NHERF4: variants seen among roughly 807,000 people sequenced by gnomAD.
NHERF4 encodes the protein Na(+)/H(+) exchange regulatory cofactor NHE-RF4.
the NHERF4 span, chr11:119,188,275 C>T: frequency 6.3e-7 from 1 of 1,582,888 alleles, no homozygotes. Flanking sequence ...TCTTCCCGTT[C>T]ACTCTGGGGT....
At chr11:119,188,591 T>TG in the NHERF4 span, 1 of 1,607,378 alleles carries the variant, frequency 6.2e-7, no homozygotes. Context: ...GGGGCAGGAG[T>TG]GGGGCAGGGC....
chr11:119,185,920 AG>A, the NHERF4 span: 3 of 1,614,028 alleles, frequency 1.9e-6, no homozygotes, highest in African/African-American at 1.3e-5. Context: ...TTCTTTGCCC[AG>A]TAGATCTGCA....
At chr11:119,186,308 T>C in the NHERF4 span, 5 of 1,581,030 alleles carry the variant, frequency 3.2e-6, no homozygotes, top group East Asian at 1.1e-4. The surrounding 1 kb of genome is among the most constrained non-coding windows in gnomAD (Gnocchi z 4.4). Context: ...AGGGGCCGGG[T>C]GTTTTCTCCT....
chr11:119,188,610 G>C, the NHERF4 span: 5 of 1,612,336 alleles, frequency 3.1e-6, no homozygotes, highest in Non-Finnish European at 4.2e-6. Flanking sequence ...GCTGAGGTCC[G>C]AAAGATTTGC....
At chr11:119,186,877 G>A in the NHERF4 span, among the ~76,000 whole-genome samples, 1 of 152,102 alleles carries the variant, frequency 6.6e-6, no homozygotes, top group East Asian at 1.9e-4. This position sits in a 1 kb window ranked among gnomAD's most constrained non-coding sequence, Gnocchi z 4.4. Flanking sequence ...AGTGGCTCAC[G>A]CCTGTAATCC....
At chr11:119,187,292 G>A in the NHERF4 span, 16 of 1,607,844 alleles carry the variant, frequency 1.0e-5, no homozygotes, top group Non-Finnish European at 1.4e-5. Flanking sequence ...ATCCGGGCCA[G>A]CAGCCCTCGG....
At chr11:119,187,712 T>C in the NHERF4 span, 5 of 1,491,674 alleles carry the variant, frequency 3.4e-6, no homozygotes, top group East Asian at 9.9e-5. Flanking sequence ...TGTGACTGCC[T>C]GTCTCCCACT....
At chr11:119,188,450 G>T in the NHERF4 span, 1 of 1,613,276 alleles carries the variant, frequency 6.2e-7, no homozygotes, top group Non-Finnish European at 8.5e-7. Flanking sequence ...GGAGAGCGTG[G>T]AGGGGCTGGG....
the NHERF4 span, chr11:119,189,719 A>G: frequency 1.7e-6 from 1 of 588,376 alleles, no homozygotes; most frequent in Non-Finnish European, 3.1e-6. The surrounding 1 kb of genome is among the most constrained non-coding windows in gnomAD (Gnocchi z 5.8). Context: ...GCTCCAGAGG[A>G]TGTCATATGG....
chr11:119,188,971 G>T, the NHERF4 span: 1 of 1,613,580 alleles, frequency 6.2e-7, no homozygotes, highest in Non-Finnish European at 8.5e-7. Flanking sequence ...CTTTCCCCCG[G>T]TGTCCCCTGT....
the NHERF4 span, chr11:119,185,544 T>C: frequency 6.2e-7 from 1 of 1,606,158 alleles, no homozygotes; most frequent in Non-Finnish European, 8.5e-7. Flanking sequence ...TGCAGGGGAC[T>C]TTGGGACAGG....
chr11:119,188,323 G>A, the NHERF4 span: 1 of 1,612,058 alleles, frequency 6.2e-7, no homozygotes, highest in Non-Finnish European at 8.5e-7. Context: ...TAGGATAGCT[G>A]GAGAGGAGCA....
chr11:119,186,407 AGGCACAC>A, the NHERF4 span: 1 of 1,579,314 alleles, frequency 6.3e-7, no homozygotes, highest in Non-Finnish European at 8.7e-7. The surrounding 1 kb of genome is among the most constrained non-coding windows in gnomAD (Gnocchi z 4.4). Context: ...AGGGTCTGCC[AGGCACAC>A]GGCGAACCTG....
chr11:119,186,251 C>T, the NHERF4 span: 10 of 1,613,722 alleles, frequency 6.2e-6, no homozygotes, highest in Non-Finnish European at 8.5e-6. The surrounding 1 kb of genome is among the most constrained non-coding windows in gnomAD (Gnocchi z 4.4). Context: ...GGTAACCACT[C>T]ACTCGGTCTC....
chr11:119,189,417 TC>T, the NHERF4 span: 2 of 1,609,682 alleles, frequency 1.2e-6, no homozygotes, highest in South Asian at 2.2e-5. This position sits in a 1 kb window ranked among gnomAD's most constrained non-coding sequence, Gnocchi z 5.8. Flanking sequence ...AAGGAACTCT[TC>T]TGGGTCCCAC....
chr11:119,187,215 TG>T, the NHERF4 span: 3 of 1,416,066 alleles, frequency 2.1e-6, no homozygotes, highest in Non-Finnish European at 1.9e-6. Context: ...AGGGAGGTCC[TG>T]GGGGTTGGCA....
the NHERF4 span, chr11:119,190,000 G>A: frequency 2.5e-6 from 1 of 397,644 alleles, no homozygotes; most frequent in South Asian, 4.0e-5. The surrounding 1 kb of genome is among the most constrained non-coding windows in gnomAD (Gnocchi z 5.8). Flanking sequence ...TGGTGTGAAG[G>A]GACCAAAAGG....
the NHERF4 span, chr11:119,189,913 C>T: frequency 2.1e-5 from 7 of 330,030 alleles, no homozygotes; most frequent in Non-Finnish European, 3.4e-5. This position sits in a 1 kb window ranked among gnomAD's most constrained non-coding sequence, Gnocchi z 5.8. Flanking sequence ...GCTTGGTCAC[C>T]GTTGCATTTG....
chr11:119,189,895 A>G, the NHERF4 span: 1 of 334,158 alleles, frequency 3.0e-6, no homozygotes, highest in South Asian at 4.4e-5. The surrounding 1 kb of genome is among the most constrained non-coding windows in gnomAD (Gnocchi z 5.8). Context: ...GCATTGCGGG[A>G]GGGTGGTGCT....
Sources: gnomAD v4.1 joint callset for allele counts (sites outside exome capture counted in the v4.1 genomes callset) on GRCh38, gnomAD v4.1.1 for gene constraint, Gnocchi (gnomAD v3.1) non-coding constraint, MANE v1.5 for transcripts, NCBI Gene and HGNC (gene_info 2026-07-23, HGNC 2026-07-21) for gene names.